The following UGP2 variants were observed in gnomAD, a reference collection of about 807,000 sequenced individuals.
UGP2 encodes UTP--glucose-1-phosphate uridylyltransferase.
A neutral mutation model predicts 49.0 loss-of-function variants in UGP2; 40 were observed. The observed-to-expected ratio is 0.82, with a 90% CI of 0.63 to 1.06. The LOEUF is 1.06. Among genes scored for constraint, UGP2 ranks in the 50% least tolerant of loss-of-function variants. UGP2 has a pLI of 0.00. For missense variants in UGP2, 460 were observed against 603.5 expected (o/e 0.76, Z 2.49); for synonymous variants, 225 against 213.0 (o/e 1.06, Z -0.49).
At chr2:63,890,278 T>G in intron 9 of UGP2, 93 bp downstream of exon 9, 1 of 924,420 alleles carries the variant, frequency 1.1e-6, no homozygotes, top group Non-Finnish European at 1.6e-6. Context: ...AAGGAATACT[T>G]GTTAGTCTTA....
At chr2:63,879,050 T>TA (rs1450863598) in intron 3 of UGP2, among the ~76,000 whole-genome samples, 1 of 152,128 alleles carries the variant, frequency 6.6e-6, no homozygotes, top group African/African-American at 2.4e-5. Flanking sequence ...CTTGATGACT[T>TA]ATGTCCTAAA....
At chr2:63,856,904 T>TA (rs2104279692) in intron 2 of UGP2, 1 of 438,864 alleles carries the variant, frequency 2.3e-6, no homozygotes, top group African/African-American at 2.0e-5. Flanking sequence ...CATTTTTATA[T>TA]TTCAATTTAT....
chr2:63,852,867 G>A (rs929847713), intron 1 of UGP2, among the ~76,000 whole-genome samples: 5 of 152,180 alleles, frequency 3.3e-5, no homozygotes, highest in African/African-American at 1.2e-4. Context: ...TAATGCCGTG[G>A]AGAACAGGGT....
Position 63,857,879 on chromosome 2 carries a change from G to C in UGP2, c.198G>C (p.Leu66Phe), listed in dbSNP as rs1467640761. Reference protein sequence around the residue: ...DGFRKLFHRFLQEKGPSVDWG... With the variant: ...DGFRKLFHRFFQEKGPSVDWG... Reference sequence around the variant, plus strand: ...TTCGGAAGCTATTTCATAGATTTTTGCAAGAAAAGGGGCCTTCTGTGGATT... The same window carrying C: ...TTCGGAAGCTATTTCATAGATTTTTCCAAGAAAAGGGGCCTTCTGTGGATT... Residue 66 changes from leucine to phenylalanine, a missense_variant, in exon 3 of 10, where the codon TTG (leucine) becomes TTC (phenylalanine). Physicochemically the swap from Leu to Phe is conservative, Grantham distance 22. This residue lies in a region of UGP2 where 143 missense variants were observed against 130.4 expected (regional missense o/e 1.10). Transcript: ENST00000337130. 6.2e-7 allele frequency: 1 copy of C among 1,614,020 alleles called. No homozygotes were observed. Among genetic ancestry groups the C allele is most frequent in the Non-Finnish European group, 8.5e-7 (1 of 1,179,950 alleles).
intron 3 of UGP2, among the ~76,000 whole-genome samples, chr2:63,858,522 CTA>C (rs962922170): frequency 1.3e-5 from 2 of 151,390 alleles, no homozygotes; most frequent in African/African-American, 4.9e-5. Flanking sequence ...AACATTCTCA[CTA>C]TAAAAAAAAA....
chr2:63,844,759 C>T (rs1671815855), intron 1 of UGP2, among the ~76,000 whole-genome samples: 1 of 152,116 alleles, frequency 6.6e-6, no homozygotes, highest in Admixed American at 6.5e-5. Context: ...ACAGGCTTTC[C>T]CTATGTTTCT....
intron 9 of UGP2, among the ~76,000 whole-genome samples, chr2:63,890,751 C>T (rs1440108976): frequency 6.6e-6 from 1 of 152,060 alleles, no homozygotes; most frequent in Non-Finnish European, 1.5e-5. Context: ...ATAAAAACAA[C>T]AACAAAAGCC....
At chr2:63,860,762 A>ATTT (rs556819048) in intron 3 of UGP2, among the ~76,000 whole-genome samples, 176 of 123,624 alleles carry the variant, frequency 1.4e-3, no homozygotes, top group Non-Finnish European at 1.9e-3. Context: ...GGCCCAGCTA[A>ATTT]TTTTTTTTTT....
chr2:63,883,775 T>C (rs1258183191), intron 4 of UGP2, among the ~76,000 whole-genome samples, 185 bp from the exon 5 acceptor site: 1 of 152,252 alleles, frequency 6.6e-6, no homozygotes, highest in African/African-American at 2.4e-5. Flanking sequence ...AATGAGCAAG[T>C]GCATGGTGAA....
intron 8 of UGP2, chr2:63,889,496 T>C (rs1275802629): frequency 6.6e-6 from 1 of 152,322 alleles, no homozygotes; most frequent in Non-Finnish European, 1.5e-5. Context: ...TAATGGGCAA[T>C]GGGGGCAAAG....
intron 1 of UGP2, among the ~76,000 whole-genome samples, chr2:63,845,251 C>A (rs1671851154): frequency 6.6e-6 from 1 of 152,118 alleles, no homozygotes; most frequent in Non-Finnish European, 1.5e-5. Context: ...ACCTCAGTTT[C>A]TTCTTAGATA....
intron 1 of UGP2, among the ~76,000 whole-genome samples, chr2:63,847,646 TGGCGG>T (rs1672022875): frequency 6.6e-6 from 1 of 152,012 alleles, no homozygotes; most frequent in South Asian, 2.1e-4. Flanking sequence ...GTTTGTTCTC[TGGCGG>T]GCAGGAGTGG....
intron 3 of UGP2, among the ~76,000 whole-genome samples, chr2:63,865,564 G>T (rs1360283419): frequency 6.8e-6 from 1 of 148,048 alleles, no homozygotes; most frequent in African/African-American, 2.5e-5. Context: ...AAAGAGACAG[G>T]GTCTCACTCT....
intron 3 of UGP2, among the ~76,000 whole-genome samples, chr2:63,858,233 C>T (rs373002115): frequency 1.2e-4 from 19 of 152,286 alleles, no homozygotes; most frequent in African/African-American, 4.1e-4. Flanking sequence ...ATAAGAGCTT[C>T]GTTTACTTTG....
rs545948371 is a variant in UGP2 at position 63,862,065 on chromosome 2, A to G, written c.255+4129A>G. The stretch of plus-strand genomic sequence containing the variant: ...ATTAAAAGAAAAAAATCTTGAGGCA[A>G]TCTGGCCAAGCATCTGATATAGTAT... On this transcript the variant is annotated intron_variant, in intron 3 of 9. Transcript: ENST00000337130. Among the ~76,000 whole-genome samples the G allele has an allele frequency of 3.3e-5, 5 of 152,214 alleles. 1 individual carries two copies. Among genetic ancestry groups the G allele is most frequent in the Middle Eastern group, 6.8e-3 (2 of 294 alleles).
intron 3 of UGP2, among the ~76,000 whole-genome samples, chr2:63,872,931 C>G (rs1670656969): frequency 1.3e-5 from 2 of 152,146 alleles, no homozygotes; most frequent in South Asian, 2.1e-4. Context: ...GCCAGCACTT[C>G]TGGTCCTGCT....
intron 3 of UGP2, among the ~76,000 whole-genome samples, chr2:63,881,354 C>CAT (rs1204828771): frequency 2.7e-5 from 4 of 148,900 alleles, no homozygotes; most frequent in Middle Eastern, 3.3e-3. Context: ...CCATTACACA[C>CAT]ACACACACAC....
At chr2:63,874,660 A>G (rs548755677) in intron 3 of UGP2, among the ~76,000 whole-genome samples, 11 of 152,136 alleles carry the variant, frequency 7.2e-5, no homozygotes, top group Non-Finnish European at 1.6e-4. Flanking sequence ...TTAGCAACTT[A>G]GCAGAGTGGG....
intron 1 of UGP2, among the ~76,000 whole-genome samples, chr2:63,849,749 C>T (rs1442262707): frequency 6.6e-6 from 1 of 152,160 alleles, no homozygotes. Flanking sequence ...GAATGAGAAA[C>T]AGGGCGCCAG....
Sources: gnomAD v4.1 joint callset for allele counts (sites outside exome capture counted in the v4.1 genomes callset) on GRCh38, gnomAD v4.1.1 for gene constraint, gnomAD v4.1.1 regional missense constraint, MANE v1.5 for transcripts, NCBI Gene and HGNC (gene_info 2026-07-23, HGNC 2026-07-21) for gene names.